ADGRD1: variants seen among roughly 807,000 people sequenced by gnomAD.
ADGRD1 encodes G-protein coupled receptor 133.
Under a neutral mutation model 113.4 loss-of-function variants are expected in ADGRD1, and 77 were observed. That is an observed-to-expected ratio of 0.68 (90% CI 0.57 to 0.82). The LOEUF is 0.82. ADGRD1 is among the 40% of genes least tolerant of loss of function. The pLI, the probability that ADGRD1 is intolerant of heterozygous loss-of-function variation, is 0.00. For missense variants in ADGRD1, 1,036 were observed against 1,139.1 expected, an observed-to-expected ratio of 0.91 and a Z score of 1.30; for synonymous variants, 474 against 475.0, an observed-to-expected ratio of 1.00 and a Z score of 0.03.
rs189511680 is a variant in ADGRD1, at chr12:131,075,983, C to T, written c.1474-818C>T. On this transcript the variant is annotated intron_variant, in intron 13 of 24. Transcript: ENST00000261654. The surrounding 1 kb of genome is among the most constrained non-coding windows in gnomAD (Gnocchi z 5.3). ...GAGCAGCCCTGGGTCCTGGTGGAGT[C>T]GCTGGCCTCCTGAGCCTCCAACTAT... Among the ~76,000 whole-genome samples the T allele has an allele frequency of 6.6e-6, 1 of 152,260 alleles. No homozygotes were observed. Among genetic ancestry groups the T allele is most frequent in the East Asian group, 1.9e-4 (1 of 5,172 alleles).
intron 15 of ADGRD1, among the ~76,000 whole-genome samples, chr12:131,093,376 G>C (rs7138946): frequency 4.6e-5 from 7 of 152,172 alleles, no homozygotes; most frequent in Non-Finnish European, 1.0e-4. Context: ...GGCACCGTGG[G>C]GGCACACCAC....
rs1871593772 is a variant in ADGRD1, at chr12:130,971,219, A to G, written c.188-239A>G. The G allele has an allele frequency of 1.5e-5, 3 of 204,696 alleles. No homozygotes were observed. The highest frequency in any genetic ancestry group is 2.9e-5 in the Non-Finnish European group (3 of 103,114). 12.7% of individuals were successfully genotyped at this position (204,696 alleles called of 1,614,324 possible). On this transcript the variant is annotated intron_variant, in intron 3 of 24. Transcript: ENST00000261654. The surrounding 1 kb of genome is among the most constrained non-coding windows in gnomAD (Gnocchi z 4.2). ...ATGCATATTATATACAAATACATTAATATCATTTAATATTAAATTTTTATC... is the reference window on the plus strand; with the variant it reads ...ATGCATATTATATACAAATACATTAGTATCATTTAATATTAAATTTTTATC...
intron 23 of ADGRD1, 21 bp downstream of exon 23, chr12:131,137,035 G>GGCAGGT (rs745921566): frequency 2.5e-6 from 4 of 1,599,304 alleles, no homozygotes; most frequent in South Asian, 1.1e-5. Context: ...TCTGCTTGCT[G>GGCAGGT]GCAGGTGCAG....
intron 13 of ADGRD1, among the ~76,000 whole-genome samples, chr12:131,033,963 A>C (rs968674643): frequency 3.0e-4 from 45 of 152,080 alleles, no homozygotes; most frequent in African/African-American, 1.0e-3. Context: ...CTCCACCTGC[A>C]GCTCACGTCC....
chr12:131,091,687 A>G (rs1886918323), intron 15 of ADGRD1, among the ~76,000 whole-genome samples: 1 of 150,986 alleles, frequency 6.6e-6, no homozygotes, highest in African/African-American at 2.4e-5. Context: ...AGTGCATTCA[A>G]GGTTGTTAGT....
intron 2 of ADGRD1, chr12:130,957,178 A>G (rs1565978870): frequency 6.6e-6 from 1 of 152,338 alleles, no homozygotes; most frequent in African/African-American, 2.4e-5. Flanking sequence ...ATCAACATAC[A>G]TGTATTTACA....
chr12:131,046,268 T>G (rs1342453781), intron 13 of ADGRD1, among the ~76,000 whole-genome samples: 1 of 7,748 alleles, frequency 1.3e-4, no homozygotes, highest in Non-Finnish European at 4.0e-4. Context: ...TGGTCAGTGC[T>G]CCCTCCCTGG....
chr12:130,966,374 C>T lies in ADGRD1; in HGVS notation c.104-89C>T. 1 of 780,334 alleles carries T rather than the reference C, an allele frequency of 1.3e-6. No individual in the cohort carries two copies. The highest frequency in any genetic ancestry group is 1.7e-5 in the African/African-American group (1 of 58,902). 48.3% of individuals were successfully genotyped at this position (780,334 alleles called of 1,614,324 possible). A position where few individuals can be genotyped will look rare whatever the true frequency, so the allele number is the denominator to read the frequency against. ...ACAGACATGGGATCCTTTTACTCTT[C>T]CCCCATAATGTGTGTGCTAAGCGGT... On this transcript the variant is annotated intron_variant, in intron 2 of 24. Coordinates refer to ENST00000261654, the MANE Select transcript of ADGRD1 (RefSeq NM_198827.5). This position sits in a 1 kb window ranked among gnomAD's most constrained non-coding sequence, Gnocchi z 4.6.
At position 131,003,112 on chromosome 12, in the gene ADGRD1, C is replaced by T; in HGVS notation, c.1027-73C>T. 1 of 1,182,692 alleles carries T rather than the reference C, an allele frequency of 8.5e-7. No homozygotes were observed. The highest frequency in any genetic ancestry group is 1.2e-5 in the South Asian group (1 of 81,814). The allele number at this position is 1,182,692 out of a possible 1,614,324, so 73.3% of individuals were successfully genotyped here. ...ACGTGGGGAAACTTGATTTTGTGTG[C>T]CTGGTGCACCTGCCTGGTGCCCTGG... On this transcript the variant is annotated intron_variant, in intron 9 of 24. Coordinates refer to ENST00000261654, the MANE Select transcript of ADGRD1 (RefSeq NM_198827.5). The surrounding 1 kb of genome is among the most constrained non-coding windows in gnomAD (Gnocchi z 4.8).
chr12:131,031,395 G>T (rs1880723032), intron 13 of ADGRD1, among the ~76,000 whole-genome samples: 1 of 152,206 alleles, frequency 6.6e-6, no homozygotes, highest in East Asian at 1.9e-4. Context: ...TGTGGGGCAT[G>T]ACTGGAATGG....
chr12:131,121,029 C>T (rs1223474585), intron 20 of ADGRD1, 116 bp downstream of exon 20: 12 of 889,050 alleles, frequency 1.3e-5, no homozygotes, highest in Admixed American at 9.3e-5. Context: ...GATGCAGCGT[C>T]GTTCCTCGGT....
At chr12:131,034,087 G>A (rs2136943399) in intron 13 of ADGRD1, among the ~76,000 whole-genome samples, 1 of 152,324 alleles carries the variant, frequency 6.6e-6, no homozygotes, top group Non-Finnish European at 1.5e-5. Context: ...AGCAGCCAGA[G>A]TAATATTCGA....
chr12:131,090,908 C>T (rs1886864292), intron 15 of ADGRD1, among the ~76,000 whole-genome samples: 2 of 152,240 alleles, frequency 1.3e-5, no homozygotes. Flanking sequence ...ATTGCTCCTC[C>T]AGCCAGGGTC....
chr12:131,137,234 C>A, intron 23 of ADGRD1: 1 of 602,508 alleles, frequency 1.7e-6, no homozygotes, highest in Non-Finnish European at 3.0e-6. Flanking sequence ...CATCCTCTCT[C>A]CCTGGAGAAT....
rs1882122190 is a variant in ADGRD1, at chr12:131,041,466, G to A, written c.1473+27126G>A. ...TTTGCCTCCCACCCCACCCTTGAGG[G>A]TATAACTAGTGACCTTGGCAGGGAG... is the stretch of plus-strand genomic sequence containing the variant. On this transcript the variant is annotated intron_variant, in intron 13 of 24. Coordinates refer to ENST00000261654, the MANE Select transcript of ADGRD1 (RefSeq NM_198827.5). This position sits in a 1 kb window ranked among gnomAD's most constrained non-coding sequence, Gnocchi z 4.4. Among the ~76,000 whole-genome samples the A allele has an allele frequency of 6.6e-6, 1 of 152,194 alleles. No homozygotes were observed. Among genetic ancestry groups the A allele is most frequent in the Admixed American group, 6.5e-5 (1 of 15,286 alleles).
intron 13 of ADGRD1, among the ~76,000 whole-genome samples, chr12:131,046,184 TCCCTCCCTGGTCAGTGCTC>T (rs1882711422): frequency 1.5e-5 from 2 of 132,272 alleles, no homozygotes; most frequent in Non-Finnish European, 1.6e-5. Context: ...TGGTCAATGC[TCCCTCCCTGGTCAGTGCTC>T]CCTCCCTGGT....
chr12:131,012,613 C>T (rs1446429702), intron 12 of ADGRD1, among the ~76,000 whole-genome samples: 3 of 152,118 alleles, frequency 2.0e-5, no homozygotes, highest in East Asian at 1.9e-4. Flanking sequence ...GTGCAGAGGC[C>T]GGGGGTGAGG....
intron 15 of ADGRD1, among the ~76,000 whole-genome samples, chr12:131,086,984 C>T (rs1886508632): frequency 6.6e-6 from 1 of 152,222 alleles, no homozygotes; most frequent in Non-Finnish European, 1.5e-5. Context: ...TGGCTCACTA[C>T]AGCCTTGAAC....
At chr12:131,047,574 C>T (rs570112818) in intron 13 of ADGRD1, among the ~76,000 whole-genome samples, 28 of 152,248 alleles carry the variant, frequency 1.8e-4, no homozygotes, top group African/African-American at 6.5e-4. Context: ...ACAGTTGCAC[C>T]GCCCTGTGAG....
Sources: allele counts gnomAD v4.1 joint callset (sites outside exome capture counted in the v4.1 genomes callset), GRCh38; gene constraint gnomAD v4.1.1; non-coding constraint Gnocchi (gnomAD v3.1); transcripts MANE v1.5; gene names NCBI Gene and HGNC (gene_info 2026-07-23, HGNC 2026-07-21).